Variants in CHODL observed in about 807,000 individuals in gnomAD.
CHODL encodes the protein transmembrane protein MT75.
A neutral mutation model predicts 34.5 loss-of-function variants in CHODL; 29 were observed. That is an observed-to-expected ratio of 0.84 (90% CI 0.63 to 1.15). The LOEUF (loss-of-function observed/expected upper bound fraction) is 1.15, where lower values mean the gene tolerates loss of function less well. CHODL is among the 50% of genes most tolerant of loss of function. The pLI, the probability that CHODL is intolerant of heterozygous loss-of-function variation, is 0.00. For synonymous variants in CHODL, 125 were observed against 116.1 expected (o/e 1.08, Z -0.49); for missense variants, 332 against 332.5 (o/e 1.00, Z 0.01).
Position 18,181,940 on chromosome 21 carries a change from A to G in CHODL, c.-44-74569A>G, listed in dbSNP as rs192822747. Reference sequence around the variant, plus strand: ...TCCATTAATATTCCATCATGTGCATATATCACATTTTTTAATCCATTCTTC... The same window carrying G: ...TCCATTAATATTCCATCATGTGCATGTATCACATTTTTTAATCCATTCTTC... On this transcript the variant is annotated intron_variant, in intron 2 of 6. Transcript: ENST00000400127. 2.6e-5 allele frequency among the ~76,000 whole-genome samples: 4 copies of G among 152,270 alleles called. No individual in the cohort carries two copies. The East Asian group carries it at 7.7e-4, about 29-fold the overall frequency.
intron 2 of CHODL, among the ~76,000 whole-genome samples, chr21:18,195,063 ATT>A (rs1285769851): frequency 6.7e-6 from 1 of 149,980 alleles, no homozygotes; most frequent in Non-Finnish European, 1.5e-5. Context: ...TTATTTATTT[ATT>A]TATTTTTGAC....
At chr21:18,215,553 T>A (rs2073818704) in intron 2 of CHODL, among the ~76,000 whole-genome samples, 2 of 151,996 alleles carry the variant, frequency 1.3e-5, no homozygotes, top group Admixed American at 1.3e-4. Context: ...TGGCCTTAAG[T>A]TAGTTTGAGT....
At chr21:18,001,230 T>G (rs1290878422) in intron 1 of CHODL, among the ~76,000 whole-genome samples, 1 of 152,212 alleles carries the variant, frequency 6.6e-6, no homozygotes, top group African/African-American at 2.4e-5. Flanking sequence ...GCCAAATGAC[T>G]TCTAGACTAT....
chr21:18,126,717 T>G (rs906532191), intron 2 of CHODL, among the ~76,000 whole-genome samples: 1 of 152,168 alleles, frequency 6.6e-6, no homozygotes, highest in African/African-American at 2.4e-5. Flanking sequence ...CTTAAAGAGT[T>G]GAAAATGGCA....
intron 1 of CHODL, among the ~76,000 whole-genome samples, chr21:17,960,596 A>G (rs547965250): frequency 4.6e-5 from 7 of 152,296 alleles, no homozygotes; most frequent in African/African-American, 1.7e-4. Context: ...TTTGCTCACC[A>G]ACTGTCATTC....
chr21:18,119,263 T>A (rs925315202), intron 2 of CHODL, among the ~76,000 whole-genome samples: 4 of 151,694 alleles, frequency 2.6e-5, no homozygotes, highest in African/African-American at 9.7e-5. Context: ...CATCCGCTGA[T>A]CTAGTATCTG....
At chr21:18,086,252 C>T (rs2065006461) in intron 2 of CHODL, among the ~76,000 whole-genome samples, 1 of 151,728 alleles carries the variant, frequency 6.6e-6, no homozygotes, top group South Asian at 2.1e-4. Context: ...TACTTATATT[C>T]TGAATTGATT....
At chr21:17,987,128 T>C (rs1363604473) in intron 1 of CHODL, among the ~76,000 whole-genome samples, 1 of 152,048 alleles carries the variant, frequency 6.6e-6, no homozygotes, top group Non-Finnish European at 1.5e-5. Flanking sequence ...GAGAAATAGA[T>C]GGGGAGGAGG....
At chr21:18,028,698 TA>T (rs34588468) in intron 2 of CHODL, among the ~76,000 whole-genome samples, 36,894 of 85,312 alleles carry the variant, frequency 0.43, 6,431 homozygotes, top group Non-Finnish European at 0.49. Flanking sequence ...AAACTCCATC[TA>T]AAAAAAAAAA....
In CHODL at chr21:18,158,104, A is replaced by T. The variant is rs535812248; in HGVS notation, c.-44-98405A>T. Reference sequence around the variant, plus strand: ...TTTTTTTTTAATTCAGGTGCTTGCCATTAGTGGAACTTCTAGGACACTAGA... The same window carrying T: ...TTTTTTTTTAATTCAGGTGCTTGCCTTTAGTGGAACTTCTAGGACACTAGA... On this transcript the variant is annotated intron_variant, in intron 2 of 6. Coordinates refer to the CHODL transcript ENST00000400127. 8.0e-4 allele frequency among the ~76,000 whole-genome samples: 116 copies of T among 145,556 alleles called. No homozygotes were observed. In the South Asian group the frequency reaches 0.02, roughly 25 times the overall value.
At position 18,079,809 on chromosome 21, in the gene CHODL, A is replaced by C. The variant is rs74426998; in HGVS notation, c.-45+51838A>C. On this transcript the variant is annotated intron_variant, in intron 2 of 6. Coordinates refer to the CHODL transcript ENST00000400127. ...ATAGCAAAATAATAGAATTTGCTAT[A>C]ATCACAATAGCAAAATAATAGAATT... Among the ~76,000 whole-genome samples, 1,225 of 152,210 alleles carry C rather than the reference A, an allele frequency of 8.0e-3. 22 individuals are homozygous for C. The highest frequency in any genetic ancestry group is 0.028 in the African/African-American group (1,166 of 41,548).
At chr21:18,120,763 C>G (rs1260493036) in intron 2 of CHODL, among the ~76,000 whole-genome samples, 1 of 96,326 alleles carries the variant, frequency 1.0e-5, no homozygotes, top group Non-Finnish European at 2.2e-5. Context: ...CTGTGAATAT[C>G]CTGATAATGG....
At chr21:18,160,625 T>C (rs756860534) in intron 2 of CHODL, among the ~76,000 whole-genome samples, 8 of 152,216 alleles carry the variant, frequency 5.3e-5, no homozygotes, top group Non-Finnish European at 1.0e-4. Context: ...CTAAGGATAA[T>C]GGCTTCCAGC....
rs774247524 is a variant in CHODL at position 18,036,268 on chromosome 21, G to T, written c.-45+8297G>T. On this transcript the variant is annotated intron_variant, in intron 2 of 6. Coordinates refer to the CHODL transcript ENST00000400127. ...AGGAACACAAACTATTCCTGGTTAT[G>T]TGTCAGTTCTGGGGAATATTACCTG... Among the ~76,000 whole-genome samples, 9 of 151,988 alleles carry T rather than the reference G, an allele frequency of 5.9e-5. No homozygotes were observed. In the East Asian group the frequency reaches 1.7e-3, roughly 29 times the overall value.
intron 2 of CHODL, among the ~76,000 whole-genome samples, chr21:18,189,687 T>A (rs1331043196): frequency 1.4e-5 from 2 of 145,888 alleles, no homozygotes; most frequent in Non-Finnish European, 3.0e-5. Flanking sequence ...TCGGCTGGAG[T>A]GCAGTGGTGC....
chr21:17,990,534 C>T (rs554842931), intron 1 of CHODL, among the ~76,000 whole-genome samples: 14 of 152,154 alleles, frequency 9.2e-5, no homozygotes, highest in Admixed American at 2.0e-4. Flanking sequence ...ATTTCCACTA[C>T]GGTTTCAAGT....
At chr21:18,080,854 T>A (rs2064933201) in intron 2 of CHODL, among the ~76,000 whole-genome samples, 1 of 152,212 alleles carries the variant, frequency 6.6e-6, no homozygotes, top group Non-Finnish European at 1.5e-5. Flanking sequence ...TTATGATTTA[T>A]TCCCCTAATT....
At chr21:18,157,703 C>G (rs1461398972) in intron 2 of CHODL, among the ~76,000 whole-genome samples, 1 of 152,166 alleles carries the variant, frequency 6.6e-6, no homozygotes, top group Admixed American at 6.5e-5. Flanking sequence ...TCTTTTATAG[C>G]TGTGTATTAT....
intron 2 of CHODL, among the ~76,000 whole-genome samples, chr21:18,093,932 ATAC>A (rs2065106057): frequency 6.6e-6 from 1 of 152,112 alleles, no homozygotes; most frequent in African/African-American, 2.4e-5. Flanking sequence ...ATAAAAAGAC[ATAC>A]ACTTGCTGAA....
Sources: gnomAD v4.1 joint callset for allele counts (sites outside exome capture counted in the v4.1 genomes callset) on GRCh38, gnomAD v4.1.1 for gene constraint, MANE v1.5 for transcripts, NCBI Gene and HGNC (gene_info 2026-07-23, HGNC 2026-07-21) for gene names.